DYNC2H1: variants seen among roughly 807,000 people sequenced by gnomAD.
DYNC2H1 encodes cytoplasmic dynein 2 heavy chain 1.
Under a neutral mutation model 570.0 loss-of-function variants are expected in DYNC2H1, and 410 were observed. The ratio of observed to expected loss-of-function variants is 0.72; its 90% CI spans 0.66 to 0.78. The LOEUF (loss-of-function observed/expected upper bound fraction) is 0.78, where lower values mean the gene tolerates loss of function less well. Ranked by LOEUF, DYNC2H1 falls within the 30% of genes least tolerant of loss-of-function variation. The probability of loss-of-function intolerance (pLI) is 0.00; values close to 1 mark genes in which losing one functional copy is unlikely to be tolerated. For missense variants in DYNC2H1, 4,865 were observed against 5,046.4 expected (o/e 0.96, Z 1.09); for synonymous variants, 1,688 against 1,677.6 (o/e 1.01, Z -0.15).
At chr11:103,135,008 A>T (rs1043184950) in intron 15 of DYNC2H1, among the ~76,000 whole-genome samples, 2 of 152,110 alleles carry the variant, frequency 1.3e-5, no homozygotes. Context: ...ACTAGAATGG[A>T]TATATTTATG....
chr11:103,363,451 G>A lies in DYNC2H1; in HGVS notation c.12156+5092G>A, dbSNP rs550979148. 1.2e-4 allele frequency among the ~76,000 whole-genome samples: 18 copies of A among 152,178 alleles called. 1 individual carries two copies. In the South Asian group the frequency reaches 3.7e-3, roughly 32 times the overall value. On this transcript the variant is annotated intron_variant, in intron 83 of 88. Transcript: ENST00000375735. The surrounding 1 kb of genome is among the most constrained non-coding windows in gnomAD (Gnocchi z 5.6). ...AGCAATTTCAAAATTGCTGTTAGGG[G>A]TTTAGATTAATACTCAATTTAAAAT...
intron 84 of DYNC2H1, among the ~76,000 whole-genome samples, chr11:103,434,028 T>G (rs1336901385): frequency 2.0e-5 from 3 of 152,164 alleles, no homozygotes; most frequent in Non-Finnish European, 2.9e-5. Context: ...CTAGGAATGA[T>G]TAATTGCTCT....
At chr11:103,316,175 A>G (rs555503975) in intron 79 of DYNC2H1, among the ~76,000 whole-genome samples, 1 of 151,866 alleles carries the variant, frequency 6.6e-6, no homozygotes, top group Non-Finnish European at 1.5e-5. Flanking sequence ...TTTTTTGTGC[A>G]GTATTTTTTT....
At position 103,244,224 on chromosome 11, in the gene DYNC2H1, A is replaced by G. The variant is rs1226053983; in HGVS notation, c.9918+433A>G. 6.6e-6 allele frequency among the ~76,000 whole-genome samples: 1 copy of G among 152,050 alleles called. No homozygotes were observed. Among genetic ancestry groups the G allele is most frequent in the Non-Finnish European group, 1.5e-5 (1 of 67,948 alleles). On this transcript the variant is annotated intron_variant, in intron 64 of 88. Coordinates refer to ENST00000375735, the MANE Select transcript of DYNC2H1 (RefSeq NM_001377.3). The surrounding 1 kb of genome is among the most constrained non-coding windows in gnomAD (Gnocchi z 4.3). ...TCATAATTTCCAATTTCTTTAACTC[A>G]TTGACAGACATCTTTAATGTATCCC...
At chr11:103,161,766 T>G (rs1371968779) in intron 29 of DYNC2H1, among the ~76,000 whole-genome samples, 1 of 152,172 alleles carries the variant, frequency 6.6e-6, no homozygotes, top group African/African-American at 2.4e-5. Flanking sequence ...AGCGAACAAC[T>G]ATTGATTAAC....
chr11:103,440,536 C>T (rs1208967602), intron 85 of DYNC2H1, among the ~76,000 whole-genome samples: 1 of 152,012 alleles, frequency 6.6e-6, no homozygotes, highest in Non-Finnish European at 1.5e-5. Context: ...TATTAAGCAC[C>T]TTGAAGTTTG....
chr11:103,133,766 A>C lies in DYNC2H1; in HGVS notation c.2106+59A>C. On this transcript the variant is annotated intron_variant, in intron 14 of 88. Transcript: ENST00000375735. This position sits in a 1 kb window ranked among gnomAD's most constrained non-coding sequence, Gnocchi z 4.8. The stretch of plus-strand genomic sequence containing the variant: ...AATGATATTATTTAAAAAGTCATTA[A>C]GATACAATTTTTAAAAACTTATTTT... 2.8e-6 allele frequency: 4 copies of C among 1,450,382 alleles called. No homozygotes were observed. Among genetic ancestry groups the C allele is most frequent in the Non-Finnish European group, 3.7e-6 (4 of 1,087,416 alleles). The allele number at this position is 1,450,382 out of a possible 1,614,324, so 89.8% of individuals were successfully genotyped here. A position where few individuals can be genotyped will look rare whatever the true frequency, so the allele number is the denominator to read the frequency against.
At chr11:103,279,326 A>G (rs1866037445) in intron 70 of DYNC2H1, among the ~76,000 whole-genome samples, 1 of 152,158 alleles carries the variant, frequency 6.6e-6, no homozygotes. Context: ...TACTTATGGA[A>G]AATAATTAGT....
Position 103,468,592 on chromosome 11 carries a change from A to C in DYNC2H1, c.12652A>C (p.Ser4218Arg), listed in dbSNP as rs766823827. 6.2e-7 allele frequency: 1 copy of C among 1,611,706 alleles called. No individual in the cohort carries two copies. The change falls in exon 88 of 89, where the codon AGT becomes CGT. Residue 4218 changes from serine (S) to arginine (R), a missense_variant. Ser to Arg is a moderately radical substitution (Grantham distance 110). Around this residue, in one of 5 missense-constraint regions of DYNC2H1, gnomAD observed 2,401 missense variants for 2,454.6 expected, o/e 0.98. Coordinates refer to ENST00000375735, the MANE Select transcript of DYNC2H1 (RefSeq NM_001377.3). The part of the protein sequence containing the change: ...LQEAKLQIKI[S>R]GLLLEGCSFD... ...GACATATTTGTTTCCATGGCAGATC[A>C]GTGGCTTGTTACTAGAAGGATGTAG...
At chr11:103,200,608 G>A (rs1862680366) in intron 50 of DYNC2H1, among the ~76,000 whole-genome samples, 1 of 152,052 alleles carries the variant, frequency 6.6e-6, no homozygotes, top group South Asian at 2.1e-4. Flanking sequence ...TATCAGTAGT[G>A]GCATGGTTGT....
At chr11:103,320,012 T>C (rs1565492349) in intron 80 of DYNC2H1, among the ~76,000 whole-genome samples, 1 of 152,220 alleles carries the variant, frequency 6.6e-6, no homozygotes, top group Non-Finnish European at 1.5e-5. Context: ...TTTTGTCATA[T>C]CTCTAAATTT....
intron 82 of DYNC2H1, among the ~76,000 whole-genome samples, chr11:103,328,662 C>A (rs1938617792): frequency 6.6e-6 from 1 of 152,166 alleles, no homozygotes; most frequent in South Asian, 2.1e-4. Flanking sequence ...ACATTCAAGG[C>A]AATGACCACA....
At chr11:103,267,488 C>G (rs976300645) in intron 70 of DYNC2H1, among the ~76,000 whole-genome samples, 2 of 151,746 alleles carry the variant, frequency 1.3e-5, no homozygotes, top group Non-Finnish European at 2.9e-5. Context: ...AGCAAATGAT[C>G]TCAAAGCCAT....
chr11:103,167,372 A>G (rs534690431), intron 31 of DYNC2H1, among the ~76,000 whole-genome samples: 1 of 151,818 alleles, frequency 6.6e-6, no homozygotes, highest in African/African-American at 2.4e-5. Context: ...AGCTCAAGCA[A>G]TTTTCCCACC....
Position 103,288,406 on chromosome 11 carries a change from C to G in DYNC2H1, c.11095+801C>G, listed in dbSNP as rs772316247. 6.6e-4 allele frequency among the ~76,000 whole-genome samples: 101 copies of G among 152,156 alleles called. 2 individuals are homozygous for G. The highest frequency in any genetic ancestry group is 7.8e-4 in the East Asian group (4 of 5,144). Reference sequence around the variant, plus strand: ...AGCTATCCTTGTTCATTCTTGGGCACAGGCAGAACTAACCTTGGGAAGGAA... The same window carrying G: ...AGCTATCCTTGTTCATTCTTGGGCAGAGGCAGAACTAACCTTGGGAAGGAA... On this transcript the variant is annotated intron_variant, in intron 75 of 88. Transcript: ENST00000375735.
chr11:103,468,335 T>G (rs537694337), intron 87 of DYNC2H1: 79 of 266,558 alleles, frequency 3.0e-4, no homozygotes, highest in South Asian at 2.9e-3. Context: ...CACCCGCAGT[T>G]GTATAACAGA....
chr11:103,235,820 A>G lies in DYNC2H1; in HGVS notation c.9709+7A>G, dbSNP rs547301517. Reference sequence around the variant, plus strand: ...AAGTCAGCTGGTCTTGAGAGTTTGTATTTAGTTATTCCTGATCTTGAGAGT... The same window carrying G: ...AAGTCAGCTGGTCTTGAGAGTTTGTGTTTAGTTATTCCTGATCTTGAGAGT... On this transcript the variant is annotated splice_region_variant and intron_variant, in intron 62 of 88. Coordinates refer to ENST00000375735, the MANE Select transcript of DYNC2H1 (RefSeq NM_001377.3). The G allele has an allele frequency of 3.7e-6, 6 of 1,610,302 alleles. 1 individual carries two copies. The South Asian group carries it at 4.4e-5, about 12-fold the overall frequency.
Position 103,154,746 on chromosome 11 carries a change from A to T in DYNC2H1, c.3510A>T (p.Leu1170Phe). The T allele has an allele frequency of 6.4e-7, 1 of 1,572,724 alleles. No individual in the cohort carries two copies. The highest frequency in any genetic ancestry group is 8.6e-7 in the Non-Finnish European group (1 of 1,158,196). Residue 1170 changes from leucine (L) to phenylalanine (F), a missense_variant, in exon 24 of 89, where the codon TTA (leucine) becomes TTT (phenylalanine). Leu to Phe is a conservative substitution (Grantham distance 22). Around this residue, in one of 5 missense-constraint regions of DYNC2H1, gnomAD observed 1,936 missense variants for 1,962.1 expected, o/e 0.99. Transcript: ENST00000375735. ...EEFLMNWHDR[L>F]RKVEEHSVMT... ...TTTTGATGAACTGGCATGACAGATT[A>T]AGGAAGGTTGAAGAACATTCAGTGA...
At chr11:103,356,385 CT>C (rs1204068601) in intron 82 of DYNC2H1, among the ~76,000 whole-genome samples, 1 of 151,948 alleles carries the variant, frequency 6.6e-6, no homozygotes, top group Non-Finnish European at 1.5e-5. Context: ...AAAAGAAATC[CT>C]CACATGTTAT....
Sources: gnomAD v4.1 joint callset for allele counts (sites outside exome capture counted in the v4.1 genomes callset) on GRCh38, gnomAD v4.1.1 for gene constraint, gnomAD v4.1.1 regional missense constraint, Gnocchi (gnomAD v3.1) non-coding constraint, MANE v1.5 for transcripts, NCBI Gene and HGNC (gene_info 2026-07-23, HGNC 2026-07-21) for gene names.